Variants in TMEM132D observed in about 807,000 individuals in gnomAD.
TMEM132D encodes the protein transmembrane protein 132D.
In TMEM132D, 21 loss-of-function variants were observed where a neutral mutation model predicts 62.3. The observed-to-expected ratio is 0.34, with a 90% CI of 0.24 to 0.49. The LOEUF is 0.49. TMEM132D is among the 20% of genes least tolerant of loss of function. TMEM132D has a pLI of 0.99. For synonymous variants in TMEM132D, 621 were observed against 575.6 expected (o/e 1.08, Z -1.13); for missense variants, 1,346 against 1,402.8 (o/e 0.96, Z 0.65).
In TMEM132D at chr12:129,887,846, C is replaced by T. The variant is rs184344756; in HGVS notation, c.79+15415G>A. Among the ~76,000 whole-genome samples, 161 of 152,190 alleles carry T rather than the reference C, an allele frequency of 1.1e-3. 1 individual carries two copies. The highest frequency in any genetic ancestry group is 8.7e-3 in the South Asian group (42 of 4,814). ...CCAAACTACAGGCAAAAAACAACTC[C>T]CTAATGTATTCTCCCTAATTAAGTA... On this transcript the variant is annotated intron_variant, in intron 1 of 8. Coordinates refer to ENST00000422113, the MANE Select transcript of TMEM132D (RefSeq NM_133448.3).
At chr12:129,411,116 C>T (rs1871956739) in intron 3 of TMEM132D, among the ~76,000 whole-genome samples, 1 of 152,026 alleles carries the variant, frequency 6.6e-6, no homozygotes, top group South Asian at 2.1e-4. Flanking sequence ...TTTCTGTCTG[C>T]TTTTTAATGT....
intron 4 of TMEM132D, among the ~76,000 whole-genome samples, chr12:129,268,433 A>C (rs1213728292): frequency 6.6e-6 from 1 of 152,244 alleles, no homozygotes; most frequent in Non-Finnish European, 1.5e-5. Flanking sequence ...CACATGAAAA[A>C]ATGCTCATGA....
At chr12:129,263,710 C>T (rs1299879912) in intron 4 of TMEM132D, among the ~76,000 whole-genome samples, 1 of 152,012 alleles carries the variant, frequency 6.6e-6, no homozygotes, top group Non-Finnish European at 1.5e-5. Context: ...TGTGTGGCTA[C>T]TGAGGCACTT....
At chr12:129,253,853 G>A (rs2135591793) in intron 4 of TMEM132D, among the ~76,000 whole-genome samples, 1 of 152,290 alleles carries the variant, frequency 6.6e-6, no homozygotes, top group East Asian at 1.9e-4. Context: ...TTAACATGGG[G>A]AGAAATACAG....
intron 4 of TMEM132D, among the ~76,000 whole-genome samples, chr12:129,251,123 T>C (rs763802948): frequency 2.0e-5 from 3 of 151,848 alleles, no homozygotes; most frequent in Non-Finnish European, 4.4e-5. Flanking sequence ...TTTGGGAGGC[T>C]GAGGTGGGTG....
rs1042984988 is a variant in TMEM132D at position 129,731,015 on chromosome 12, C to T, written c.80-30317G>A. On this transcript the variant is annotated intron_variant, in intron 1 of 8. Transcript: ENST00000422113. ...GGAGTCAATACTCCTTAATAAAATCCGCTTTATATATACATCTATCCTATT... is the reference window on the plus strand; with the variant it reads ...GGAGTCAATACTCCTTAATAAAATCTGCTTTATATATACATCTATCCTATT... Among the ~76,000 whole-genome samples the T allele has an allele frequency of 5.3e-5, 8 of 152,068 alleles. No individual in the cohort carries two copies. In the East Asian group the frequency reaches 7.7e-4, roughly 15 times the overall value.
chr12:129,564,929 G>T (rs1379549939), intron 2 of TMEM132D, among the ~76,000 whole-genome samples: 1 of 152,186 alleles, frequency 6.6e-6, no homozygotes, highest in African/African-American at 2.4e-5. Flanking sequence ...TATGAGAAAA[G>T]TGGGGAGCCC....
chr12:129,116,231 C>A (rs1256483417), intron 5 of TMEM132D, among the ~76,000 whole-genome samples: 1 of 152,178 alleles, frequency 6.6e-6, no homozygotes, highest in African/African-American at 2.4e-5. Context: ...GGTGGGAAGA[C>A]CTGAGGGAAC....
At chr12:129,611,946 T>C (rs899804611) in intron 2 of TMEM132D, among the ~76,000 whole-genome samples, 1 of 152,166 alleles carries the variant, frequency 6.6e-6, no homozygotes, top group Non-Finnish European at 1.5e-5. Flanking sequence ...CCAAGTCTCA[T>C]GCTCTCACTC....
chr12:129,548,930 C>T (rs1876814452), intron 2 of TMEM132D, among the ~76,000 whole-genome samples: 1 of 152,256 alleles, frequency 6.6e-6, no homozygotes, highest in African/African-American at 2.4e-5. Flanking sequence ...CCTGAGTAGA[C>T]TGCCAGACAT....
At chr12:129,755,899 T>C (rs565269245) in intron 1 of TMEM132D, among the ~76,000 whole-genome samples, 7 of 152,266 alleles carry the variant, frequency 4.6e-5, no homozygotes, top group African/African-American at 1.7e-4. Context: ...CCAACACACG[T>C]GGGGAAAATT....
chr12:129,376,969 G>C (rs1263219416), intron 3 of TMEM132D, among the ~76,000 whole-genome samples: 1 of 152,192 alleles, frequency 6.6e-6, no homozygotes, highest in African/African-American at 2.4e-5. Flanking sequence ...TTCCTTGTGT[G>C]TCCCATAAGT....
At chr12:129,645,988 C>G (rs1879768245) in intron 2 of TMEM132D, among the ~76,000 whole-genome samples, 1 of 152,170 alleles carries the variant, frequency 6.6e-6, no homozygotes, top group Non-Finnish European at 1.5e-5. Flanking sequence ...GTTGAGCATA[C>G]AGTCAAGATG....
chr12:129,432,103 A>G (rs1329168003), intron 3 of TMEM132D, among the ~76,000 whole-genome samples: 1 of 151,748 alleles, frequency 6.6e-6, no homozygotes, highest in African/African-American at 2.4e-5. Flanking sequence ...TTGCATATGG[A>G]TGAATGAATG....
At chr12:129,229,170 C>CCT (rs1879567309) in intron 4 of TMEM132D, among the ~76,000 whole-genome samples, 1 of 152,170 alleles carries the variant, frequency 6.6e-6, no homozygotes, top group Non-Finnish European at 1.5e-5. Flanking sequence ...ATGTGACAGG[C>CCT]ACAGGGTAAA....
chr12:129,271,601 CT>C (rs1880855270), intron 4 of TMEM132D, among the ~76,000 whole-genome samples: 1 of 151,624 alleles, frequency 6.6e-6, no homozygotes, highest in Non-Finnish European at 1.5e-5. Context: ...TGATGTTCCC[CT>C]CCCTGTGTCC....
chr12:129,859,495 T>C (rs1271894572), intron 1 of TMEM132D, among the ~76,000 whole-genome samples: 1 of 152,214 alleles, frequency 6.6e-6, no homozygotes, highest in Non-Finnish European at 1.5e-5. Flanking sequence ...ATGCCTATAA[T>C]ACTTTGCATA....
At chr12:129,641,471 C>T (rs533759466) in intron 2 of TMEM132D, among the ~76,000 whole-genome samples, 1 of 152,310 alleles carries the variant, frequency 6.6e-6, no homozygotes, top group Non-Finnish European at 1.5e-5. Context: ...ATCCTGAAAG[C>T]AACAGAAGGC....
intron 3 of TMEM132D, among the ~76,000 whole-genome samples, chr12:129,484,382 C>T (rs1209156367): frequency 1.3e-5 from 2 of 152,212 alleles, no homozygotes; most frequent in South Asian, 2.1e-4. Context: ...ATATTCTCTA[C>T]AGGGCTAGGC....
Sources: allele counts gnomAD v4.1 joint callset (sites outside exome capture counted in the v4.1 genomes callset), GRCh38; gene constraint gnomAD v4.1.1; transcripts MANE v1.5; gene names NCBI Gene and HGNC (gene_info 2026-07-23, HGNC 2026-07-21).